Variants in CDH4 observed in about 807,000 individuals in gnomAD.
CDH4 encodes cadherin-4.
In CDH4, 33 loss-of-function variants were observed where a neutral mutation model predicts 86.0. The observed-to-expected ratio is 0.38, with a 90% CI of 0.29 to 0.51. The LOEUF (loss-of-function observed/expected upper bound fraction) is 0.51. CDH4 is among the 20% of genes least tolerant of loss of function. The pLI is 0.86. For missense variants in CDH4, 1,114 were observed against 1,307.4 expected, an observed-to-expected ratio of 0.85 and a Z score of 2.28; for synonymous variants, 555 against 549.4, an observed-to-expected ratio of 1.01 and a Z score of -0.14.
intron 2 of CDH4, among the ~76,000 whole-genome samples, chr20:61,317,552 G>C (rs1396078946): frequency 6.6e-6 from 1 of 152,168 alleles, no homozygotes; most frequent in Non-Finnish European, 1.5e-5. Context: ...CTCCAGACCA[G>C]GTTTCCTGAC....
At chr20:61,624,151 A>G (rs2086806289) in intron 2 of CDH4, among the ~76,000 whole-genome samples, 1 of 152,160 alleles carries the variant, frequency 6.6e-6, no homozygotes, top group African/African-American at 2.4e-5. Flanking sequence ...GTAAAACTCC[A>G]TGACCCAAGC....
chr20:61,887,532 C>G (rs1289606135), intron 7 of CDH4, among the ~76,000 whole-genome samples: 1 of 152,208 alleles, frequency 6.6e-6, no homozygotes, highest in African/African-American at 2.4e-5. Flanking sequence ...TGCACACACA[C>G]AATACACTGT....
chr20:61,381,135 T>C (rs917955779), intron 2 of CDH4, among the ~76,000 whole-genome samples: 8 of 152,236 alleles, frequency 5.3e-5, no homozygotes, highest in Non-Finnish European at 7.3e-5. Flanking sequence ...CTAGCCTGTA[T>C]GGAGTAGTGA....
At chr20:61,760,724 T>G (rs2145969267) in intron 3 of CDH4, among the ~76,000 whole-genome samples, 1 of 152,354 alleles carries the variant, frequency 6.6e-6, no homozygotes. Context: ...AAACCTTTCC[T>G]TGTATTATTT....
At chr20:61,350,249 C>T (rs1268311934) in intron 2 of CDH4, among the ~76,000 whole-genome samples, 1 of 18,598 alleles carries the variant, frequency 5.4e-5, no homozygotes, top group African/African-American at 1.0e-3. Context: ...TCCCACCCAG[C>T]GTCAGGCAGA....
rs776377387 is a variant in CDH4 at position 61,743,735 on chromosome 20, C to A, written c.342C>A (p.Asp114Glu). The A allele has an allele frequency of 1.2e-6, 2 of 1,610,836 alleles. No individual in the cohort carries two copies. The highest frequency in any genetic ancestry group is 1.7e-5 in the Admixed American group (1 of 59,688). ...AWDSQTAEKW[D>E]AVVRLLVAQT... ...ACAGCCAGACAGCAGAGAAATGGGACGCCGTGGTGCGGTTGCTGGTGGCCC... is the reference window on the plus strand; with the variant it reads ...ACAGCCAGACAGCAGAGAAATGGGAAGCCGTGGTGCGGTTGCTGGTGGCCC... The change falls in exon 3 of 16, where the codon GAC (aspartate) becomes GAA (glutamate). Residue 114 changes from aspartate to glutamate, a missense_variant. Physicochemically the swap from Asp to Glu is conservative, Grantham distance 45 (BLOSUM62 2). Coordinates refer to ENST00000614565, the MANE Select transcript of CDH4 (RefSeq NM_001794.5).
chr20:61,927,406 G>A (rs913107165), intron 11 of CDH4, among the ~76,000 whole-genome samples: 2 of 152,182 alleles, frequency 1.3e-5, no homozygotes, highest in Admixed American at 6.5e-5. Context: ...GAGCACCTCC[G>A]TTCATGCTGA....
intron 7 of CDH4, among the ~76,000 whole-genome samples, chr20:61,876,834 G>A (rs547977793): frequency 6.6e-6 from 1 of 152,324 alleles, no homozygotes; most frequent in South Asian, 2.1e-4. Context: ...TCCCACTGCC[G>A]GGTGGAGGGC....
chr20:61,636,575 G>A (rs1031597871), intron 2 of CDH4, among the ~76,000 whole-genome samples: 15 of 152,226 alleles, frequency 9.9e-5, no homozygotes, highest in Non-Finnish European at 1.6e-4. Context: ...CCCAGCGAGC[G>A]TGGCCTTTTG....
intron 2 of CDH4, among the ~76,000 whole-genome samples, chr20:61,612,631 A>G (rs1344402567): frequency 9.2e-5 from 14 of 152,070 alleles, no homozygotes; most frequent in Admixed American, 9.2e-4. Context: ...CAGAGTGGGG[A>G]TGTAACCATG....
intron 2 of CDH4, among the ~76,000 whole-genome samples, chr20:61,429,529 G>A (rs1278618344): frequency 2.6e-5 from 4 of 152,200 alleles, no homozygotes; most frequent in African/African-American, 9.7e-5. Flanking sequence ...ATAGGTAGAT[G>A]GGTGGGTGTG....
chr20:61,472,025 C>G (rs2085506802), intron 2 of CDH4, among the ~76,000 whole-genome samples: 1 of 152,152 alleles, frequency 6.6e-6, no homozygotes, highest in Non-Finnish European at 1.5e-5. Context: ...TCCATTTTGT[C>G]TGTACTGCAG....
chr20:61,852,790 G>T lies in CDH4; in HGVS notation c.769G>T (p.Val257Leu). ...CGCTGTGGACATGAATGGCAACAAG[G>T]TGGAGAACCCCATCGACCTGTACAT... is the stretch of plus-strand genomic sequence containing the variant. ...AHAVDMNGNK[V>L]ENPIDLYIYV... Residue 257 changes from valine (V) to leucine (L), a missense_variant, in exon 6 of 16, where the codon GTG becomes TTG. Transcript: ENST00000614565. The T allele has an allele frequency of 6.2e-7, 1 of 1,613,916 alleles. No individual in the cohort carries two copies.
intron 5 of CDH4, among the ~76,000 whole-genome samples, chr20:61,845,388 G>C (rs1331983217): frequency 6.6e-6 from 1 of 152,226 alleles, no homozygotes; most frequent in Non-Finnish European, 1.5e-5. Context: ...ATGCTAGAGA[G>C]ACGTGGGGCT....
chr20:61,703,423 G>A lies in CDH4; in HGVS notation c.170-40140G>A, dbSNP rs554989718. 2.6e-5 allele frequency among the ~76,000 whole-genome samples: 4 copies of A among 152,338 alleles called. No individual in the cohort carries two copies. The highest frequency in any genetic ancestry group is 9.6e-5 in the African/African-American group (4 of 41,580). ...CACTGGCAGCAGGGGCATTTCATAA[G>A]GAGGGGACAGTGTGGCTGGGATATG... On this transcript the variant is annotated intron_variant, in intron 2 of 15. Coordinates refer to ENST00000614565, the MANE Select transcript of CDH4 (RefSeq NM_001794.5). This position sits in a 1 kb window ranked among gnomAD's most constrained non-coding sequence, Gnocchi z 4.3.
intron 2 of CDH4, among the ~76,000 whole-genome samples, chr20:61,577,351 T>C (rs913148309): frequency 6.6e-6 from 1 of 151,964 alleles, no homozygotes. Context: ...GAAGGATGAG[T>C]GGATGTTTTG....
At chr20:61,419,681 C>T (rs112269157) in intron 2 of CDH4, among the ~76,000 whole-genome samples, 6 of 152,162 alleles carry the variant, frequency 3.9e-5, no homozygotes, top group East Asian at 1.9e-4. Context: ...AAGGCCACCC[C>T]GCTCCAGGCA....
At chr20:61,602,694 TAAAAAAAAA>T (rs10641053) in intron 2 of CDH4, among the ~76,000 whole-genome samples, 66 of 89,130 alleles carry the variant, frequency 7.4e-4, no homozygotes, top group Admixed American at 6.5e-3. Flanking sequence ...TTCACTTTAT[TAAAAAAAAA>T]AAAAAAAAAA....
chr20:61,511,355 A>G (rs1275762319), intron 2 of CDH4, among the ~76,000 whole-genome samples: 2 of 152,120 alleles, frequency 1.3e-5, no homozygotes, highest in Non-Finnish European at 2.9e-5. Flanking sequence ...CTCTAACTCC[A>G]CGGCTTGTGC....
Sources: gnomAD v4.1 joint callset for allele counts (sites outside exome capture counted in the v4.1 genomes callset) on GRCh38, gnomAD v4.1.1 for gene constraint, Gnocchi (gnomAD v3.1) non-coding constraint, MANE v1.5 for transcripts, NCBI Gene and HGNC (gene_info 2026-07-23, HGNC 2026-07-21) for gene names.